Variants in RAB38 observed in about 807,000 individuals in gnomAD.
RAB38 encodes the protein RAB38, member RAS oncogene family.
RAB38 carries 15 observed loss-of-function variants against 18.4 expected under a neutral mutation model. The ratio of observed to expected loss-of-function variants is 0.82; its 90% confidence interval spans 0.55 to 1.26. RAB38 has a LOEUF of 1.26. Among genes scored for constraint, RAB38 ranks in the 50% most tolerant of loss-of-function variants. RAB38 has a pLI of 0.00. For missense variants in RAB38, 294 were observed against 267.4 expected (o/e 1.10, Z -0.69); for synonymous variants, 101 against 104.4 (o/e 0.97, Z 0.20).
chr11:88,036,674 T>C, the RAB38 span, among the ~76,000 whole-genome samples: 1 of 152,032 alleles, frequency 6.6e-6, no homozygotes, highest in Admixed American at 6.6e-5. Context: ...AGAGGTAGGG[T>C]CACTTGTTTC....
At chr11:88,039,872 A>G in the RAB38 span, among the ~76,000 whole-genome samples, 1 of 152,188 alleles carries the variant, frequency 6.6e-6, no homozygotes, top group African/African-American at 2.4e-5. Flanking sequence ...TGGGATTCAG[A>G]CCAGTAAAGA....
chr11:87,940,922 AC>A, the RAB38 span, among the ~76,000 whole-genome samples: 7 of 151,958 alleles, frequency 4.6e-5, no homozygotes, highest in East Asian at 1.2e-3. Flanking sequence ...ATAAGCCACC[AC>A]GCCCAGCCCA....
the RAB38 span, among the ~76,000 whole-genome samples, chr11:87,929,966 G>T: frequency 6.6e-6 from 1 of 152,222 alleles, no homozygotes; most frequent in Non-Finnish European, 1.5e-5. Flanking sequence ...GTCTATCATT[G>T]TTGGACATTT....
chr11:87,876,307 G>T, the RAB38 span, among the ~76,000 whole-genome samples: 1 of 151,500 alleles, frequency 6.6e-6, no homozygotes, highest in Non-Finnish European at 1.5e-5. Flanking sequence ...GGGTATCTGG[G>T]CATGATGATG....
the RAB38 span, among the ~76,000 whole-genome samples, chr11:88,024,254 T>C: frequency 6.6e-6 from 1 of 152,102 alleles, no homozygotes; most frequent in South Asian, 2.1e-4. Flanking sequence ...CAAAAGAAGA[T>C]ATACAAATGG....
At chr11:88,007,886 T>C in the RAB38 span, among the ~76,000 whole-genome samples, 1 of 152,138 alleles carries the variant, frequency 6.6e-6, no homozygotes, top group East Asian at 1.9e-4. Flanking sequence ...ATTTAAATAA[T>C]GGAATACTAC....
chr11:88,088,715 C>G, the RAB38 span, among the ~76,000 whole-genome samples: 2 of 151,582 alleles, frequency 1.3e-5, no homozygotes, highest in African/African-American at 4.8e-5. Context: ...ATTAAACATT[C>G]TAGGCCAGAT....
At chr11:87,952,930 C>G in the RAB38 span, among the ~76,000 whole-genome samples, 1 of 152,002 alleles carries the variant, frequency 6.6e-6, no homozygotes, top group Non-Finnish European at 1.5e-5. Flanking sequence ...TTATTATAGA[C>G]AATAAGTATT....
the RAB38 span, among the ~76,000 whole-genome samples, chr11:87,803,884 G>C: frequency 6.6e-6 from 1 of 152,192 alleles, no homozygotes; most frequent in African/African-American, 2.4e-5. Flanking sequence ...AGGCCCCAAG[G>C]CCTGAGAATA....
the RAB38 span, among the ~76,000 whole-genome samples, chr11:87,848,491 T>A: frequency 6.6e-6 from 1 of 151,982 alleles, no homozygotes; most frequent in East Asian, 1.9e-4. Flanking sequence ...AATAATCTGT[T>A]TGATAATTTA....
At chr11:88,056,805 A>ATAAATAAT in the RAB38 span, among the ~76,000 whole-genome samples, 1 of 97,808 alleles carries the variant, frequency 1.0e-5, no homozygotes, top group South Asian at 4.6e-4. Context: ...CTCCGTCTCA[A>ATAAATAAT]TAAATAAATA....
At chr11:88,016,052 A>G in the RAB38 span, among the ~76,000 whole-genome samples, 1 of 152,178 alleles carries the variant, frequency 6.6e-6, no homozygotes, top group African/African-American at 2.4e-5. Flanking sequence ...CAGCAGGGAA[A>G]AAAAGCAGCT....
the RAB38 span, among the ~76,000 whole-genome samples, chr11:88,046,493 T>G: frequency 6.6e-6 from 1 of 152,214 alleles, no homozygotes; most frequent in African/African-American, 2.4e-5. Context: ...TTGCTTTCAC[T>G]TGTACTGACC....
chr11:87,880,167 A>C, the RAB38 span: 2 of 151,770 alleles, frequency 1.3e-5, no homozygotes, highest in Non-Finnish European at 2.9e-5. Flanking sequence ...TTTTATTTTA[A>C]ACCTAATGTT....
At chr11:87,890,381 C>T in the RAB38 span, among the ~76,000 whole-genome samples, 1 of 151,836 alleles carries the variant, frequency 6.6e-6, no homozygotes, top group Non-Finnish European at 1.5e-5. Context: ...CTCCCAGCAG[C>T]CAGCTCCTCC....
At chr11:88,108,947 G>T (rs187410177), downstream of RAB38, among the ~76,000 whole-genome samples, 1 of 152,252 alleles carries the variant, frequency 6.6e-6, no homozygotes, top group East Asian at 1.9e-4. Flanking sequence ...TTTTCTTTAA[G>T]AATGTTGAGT....
At chr11:87,949,249 A>T in the RAB38 span, among the ~76,000 whole-genome samples, 191 of 152,082 alleles carry the variant, frequency 1.3e-3, 1 homozygote, top group African/African-American at 4.3e-3. Context: ...CCTTTATCAT[A>T]TTTTATTGCA....
At chr11:88,154,041 G>A (rs1943095762) in intron 1 of RAB38, among the ~76,000 whole-genome samples, 1 of 152,202 alleles carries the variant, frequency 6.6e-6, no homozygotes, top group South Asian at 2.1e-4. Context: ...AGAAGCTCAG[G>A]TATGTGAGAG....
chr11:87,872,434 A>G, the RAB38 span, among the ~76,000 whole-genome samples: 2 of 151,644 alleles, frequency 1.3e-5, no homozygotes, highest in African/African-American at 4.8e-5. Flanking sequence ...GTTACAACTG[A>G]TACCAACACT....
Sources: gnomAD v4.1 joint callset for allele counts (sites outside exome capture counted in the v4.1 genomes callset) on GRCh38, gnomAD v4.1.1 for gene constraint, MANE v1.5 for transcripts, NCBI Gene and HGNC (gene_info 2026-07-23, HGNC 2026-07-21) for gene names.